Variants in SCOC observed in about 807,000 individuals in gnomAD.
SCOC encodes short coiled-coil protein, also known as short coiled coil protein.
In SCOC, 7 loss-of-function variants were observed where a neutral mutation model predicts 9.9. The observed-to-expected ratio is 0.71, with a 90% CI of 0.40 to 1.33. The LOEUF is 1.33. Ranked by LOEUF, SCOC falls within the 40% of genes most tolerant of loss-of-function variation. The pLI is 0.01. For missense variants in SCOC, 66 were observed against 89.7 expected (o/e 0.74, Z 1.07); for synonymous variants, 19 against 28.2 (o/e 0.67, Z 1.03).
chr4:140,339,884 A>T (rs936935816), upstream of SCOC, among the ~76,000 whole-genome samples: 5 of 152,180 alleles, frequency 3.3e-5, no homozygotes, highest in African/African-American at 9.7e-5. Flanking sequence ...ATTGTGGAAG[A>T]CAGTGTGGCG....
chr4:140,334,428 T>A (rs1732902190), intron 1 of SCOC, among the ~76,000 whole-genome samples: 1 of 152,234 alleles, frequency 6.6e-6, no homozygotes. Context: ...AAAGTATATT[T>A]ACTGAAATTG....
intron 1 of SCOC, among the ~76,000 whole-genome samples, chr4:140,278,269 T>A (rs922133412): frequency 2.0e-5 from 3 of 151,414 alleles, no homozygotes; most frequent in Non-Finnish European, 4.4e-5. Flanking sequence ...CCTCTCACAG[T>A]GGAAAAGTGG....
rs1256850487 is a variant in SCOC, at chr4:140,383,236, C to G, written c.*2132C>G. The G allele has an allele frequency of 6.6e-6, 1 of 152,168 alleles. No individual in the cohort carries two copies. The highest frequency in any genetic ancestry group is 6.5e-5 in the Admixed American group (1 of 15,274). The allele number at this position is 152,168 out of a possible 1,614,324, so 9.4% of individuals were successfully genotyped here. On this transcript the variant is annotated 3_prime_UTR_variant, in exon 4 of 4. Transcript: ENST00000608372. ...CTCAGCCACAGCTCTTCTTGTGCTA[C>G]CAAGTATCTTCCCTTACACAGAAAG...
intron 1 of SCOC, among the ~76,000 whole-genome samples, chr4:140,304,807 C>A (rs1162297094): frequency 3.3e-5 from 5 of 152,178 alleles, no homozygotes; most frequent in East Asian, 1.9e-4. Flanking sequence ...AACCAACCAA[C>A]CAACAAACCT....
At chr4:140,331,646 C>T (rs1456088660) in intron 1 of SCOC, among the ~76,000 whole-genome samples, 1 of 152,146 alleles carries the variant, frequency 6.6e-6, no homozygotes, top group East Asian at 1.9e-4. Flanking sequence ...TCTCAGTCTC[C>T]TGGTTTGATT....
chr4:140,372,905 C>T (rs1351694584), upstream of SCOC, among the ~76,000 whole-genome samples: 1 of 152,166 alleles, frequency 6.6e-6, no homozygotes, highest in Non-Finnish European at 1.5e-5. Context: ...GTATATGTGA[C>T]CTTGAGCAAG....
intron 1 of SCOC, among the ~76,000 whole-genome samples, chr4:140,295,746 G>C (rs956662458): frequency 6.6e-6 from 1 of 151,896 alleles, no homozygotes. Flanking sequence ...TCGAGACCAC[G>C]ATGAAACCCC....
intron 2 of SCOC, among the ~76,000 whole-genome samples, chr4:140,368,242 G>A (rs1727888051): frequency 6.6e-6 from 1 of 152,152 alleles, no homozygotes; most frequent in Non-Finnish European, 1.5e-5. Context: ...AGAGTTTTCT[G>A]AACCAATCAT....
At chr4:140,367,968 T>C (rs539298955) in intron 2 of SCOC, among the ~76,000 whole-genome samples, 9 of 152,324 alleles carry the variant, frequency 5.9e-5, no homozygotes, top group Admixed American at 3.9e-4. Flanking sequence ...AATGTTATTT[T>C]ACACCATGTT....
chr4:140,381,201 T>C lies in SCOC; in HGVS notation c.*97T>C, dbSNP rs1031569911. 2.5e-6 allele frequency: 3 copies of C among 1,202,612 alleles called. No individual in the cohort carries two copies. Among genetic ancestry groups the C allele is most frequent in the Non-Finnish European group, 3.5e-6 (3 of 868,192 alleles). 74.5% of individuals were successfully genotyped at this position (1,202,612 alleles called of 1,614,324 possible). A position where few individuals can be genotyped will look rare whatever the true frequency, so the allele number is the denominator to read the frequency against. On this transcript the variant is annotated 3_prime_UTR_variant, in exon 4 of 4. Transcript: ENST00000608372. ...AAGTTACAGTACCTTTGTGGCTTCA[T>C]TGAATATTTATGAAGATAATGTCAG...
In SCOC at chr4:140,363,292, TG is replaced by T. The variant is rs548108656; in HGVS notation, c.71-15828del. 6.6e-5 allele frequency among the ~76,000 whole-genome samples: 10 copies of T among 152,212 alleles called. No homozygotes were observed. In the South Asian group the frequency reaches 1.7e-3, roughly 25 times the overall value. ...AAACAGGCAATCGTTAGCTTGTAAGTGCAGCTGACCTTTGAACACCATGGGT... is the reference window on the plus strand; with the variant it reads ...AAACAGGCAATCGTTAGCTTGTAAGTCAGCTGACCTTTGAACACCATGGGT... On this transcript the variant is annotated intron_variant, in intron 2 of 4. Coordinates refer to the SCOC transcript ENST00000338517.
At chr4:140,322,370 C>G (rs963517514) in intron 1 of SCOC, among the ~76,000 whole-genome samples, 1 of 152,048 alleles carries the variant, frequency 6.6e-6, no homozygotes, top group African/African-American at 2.4e-5. Context: ...GTAGGAAAAG[C>G]CCCAGTCTTC....
intron 1 of SCOC, among the ~76,000 whole-genome samples, chr4:140,335,299 G>A (rs1017064240): frequency 2.6e-5 from 4 of 152,210 alleles, no homozygotes; most frequent in Non-Finnish European, 4.4e-5. Flanking sequence ...TCATGAGCAA[G>A]CCATTTTGTC....
chr4:140,338,923 T>G (rs1355653212), upstream of SCOC, among the ~76,000 whole-genome samples: 1 of 152,200 alleles, frequency 6.6e-6, no homozygotes, highest in Non-Finnish European at 1.5e-5. Context: ...TACCAATGAC[T>G]TTCTTCACAG....
chr4:140,346,711 G>A (rs893621143), intron 2 of SCOC, among the ~76,000 whole-genome samples: 4 of 152,264 alleles, frequency 2.6e-5, no homozygotes, highest in Admixed American at 6.5e-5. Context: ...TTACTTGTAC[G>A]TGAGTTGTAT....
chr4:140,286,372 A>AC (rs966670719), intron 1 of SCOC, among the ~76,000 whole-genome samples: 11 of 151,538 alleles, frequency 7.3e-5, no homozygotes, highest in African/African-American at 2.7e-4. Context: ...AAAAAAAAAA[A>AC]CACAAAAAAC....
chr4:140,344,731 G>C (rs1409537751), intron 2 of SCOC, among the ~76,000 whole-genome samples: 2 of 152,210 alleles, frequency 1.3e-5, no homozygotes, highest in African/African-American at 4.8e-5. Context: ...CCACCAGGGT[G>C]TTTTAGAAAG....
At chr4:140,282,370 C>A (rs1731120265) in intron 1 of SCOC, among the ~76,000 whole-genome samples, 1 of 152,096 alleles carries the variant, frequency 6.6e-6, no homozygotes. Context: ...CATGAATGTG[C>A]CCCACTTTAA....
chr4:140,289,662 G>A (rs1456130509), intron 1 of SCOC, among the ~76,000 whole-genome samples: 1 of 152,150 alleles, frequency 6.6e-6, no homozygotes, highest in African/African-American at 2.4e-5. Context: ...ATGGTCCATT[G>A]GGCTCCTTAA....
Sources: allele counts gnomAD v4.1 joint callset (sites outside exome capture counted in the v4.1 genomes callset), GRCh38; gene constraint gnomAD v4.1.1; transcripts MANE v1.5; gene names NCBI Gene and HGNC (gene_info 2026-07-23, HGNC 2026-07-21).